The following FRMD4B variants were observed in gnomAD, a reference collection of about 807,000 sequenced individuals.
FRMD4B encodes FERM domain containing 4B, also known as FERM domain-containing protein 4B.
Under a neutral mutation model 141.5 loss-of-function variants are expected in FRMD4B, and 74 were observed. The observed-to-expected ratio is 0.52, with a 90% confidence interval of 0.43 to 0.63. The LOEUF is 0.63. FRMD4B is among the 30% of genes least tolerant of loss of function. The probability of loss-of-function intolerance (pLI) is 0.00; values close to 1 mark genes in which losing one functional copy is unlikely to be tolerated. For synonymous variants in FRMD4B, 506 were observed against 467.9 expected, an observed-to-expected ratio of 1.08 and a Z score of -1.05; for missense variants, 1,366 against 1,253.4, an observed-to-expected ratio of 1.09 and a Z score of -1.36.
rs1169193827 is a variant in FRMD4B, at chr3:69,240,746, CTG to C, written c.581+8478_581+8479del. 4.6e-5 allele frequency among the ~76,000 whole-genome samples: 7 copies of C among 152,232 alleles called. No individual in the cohort carries two copies. The South Asian group carries it at 1.5e-3, about 32-fold the overall frequency. Reference sequence around the variant, plus strand: ...AGCCATCTGAACACAGATAAGAAGACTGTATTGTTATGTGTTATGTTATCACT... The same window carrying C: ...AGCCATCTGAACACAGATAAGAAGACTATTGTTATGTGTTATGTTATCACT... On this transcript the variant is annotated intron_variant, in intron 7 of 22. Transcript: ENST00000398540.
At chr3:69,343,670 C>T (rs544885107) in intron 1 of FRMD4B, among the ~76,000 whole-genome samples, 4 of 151,042 alleles carry the variant, frequency 2.6e-5, no homozygotes, top group Non-Finnish European at 4.4e-5. Flanking sequence ...ACCTCCACCT[C>T]CCGGGTTCAA....
intron 5 of FRMD4B, among the ~76,000 whole-genome samples, chr3:69,278,148 C>A (rs779443226): frequency 5.3e-5 from 8 of 152,150 alleles, no homozygotes; most frequent in Non-Finnish European, 1.2e-4. Context: ...GCCACTGTGC[C>A]TGGCCTGAAC....
chr3:69,411,681 G>A (rs1296692497), intron 2 of FRMD4B, among the ~76,000 whole-genome samples: 7 of 152,156 alleles, frequency 4.6e-5, no homozygotes, highest in African/African-American at 7.2e-5. Flanking sequence ...GAAGTTCATC[G>A]AATAAAGTAG....
intron 1 of FRMD4B, among the ~76,000 whole-genome samples, chr3:69,453,850 T>C (rs1018446926): frequency 4.6e-5 from 7 of 152,078 alleles, no homozygotes; most frequent in East Asian, 1.9e-4. Context: ...ATTCAGATGA[T>C]GGATAAAGGA....
chr3:69,292,916 T>C (rs1700920202), intron 4 of FRMD4B: 3 of 344,806 alleles, frequency 8.7e-6, no homozygotes, highest in Non-Finnish European at 1.7e-5. Flanking sequence ...ATGGTTAATT[T>C]TTCAGCTTCG....
intron 1 of FRMD4B, among the ~76,000 whole-genome samples, chr3:69,519,430 G>C (rs1391976410): frequency 6.6e-6 from 1 of 152,122 alleles, no homozygotes; most frequent in Non-Finnish European, 1.5e-5. Flanking sequence ...GGTGGGTAGA[G>C]AGAGAACACT....
chr3:69,361,371 C>T (rs1703466104), intron 1 of FRMD4B, among the ~76,000 whole-genome samples: 1 of 152,140 alleles, frequency 6.6e-6, no homozygotes, highest in Admixed American at 6.6e-5. Context: ...GTGTCTGTTA[C>T]TGCTTTTTGT....
At chr3:69,252,800 C>A (rs2093471437) in intron 5 of FRMD4B, among the ~76,000 whole-genome samples, 1 of 152,106 alleles carries the variant, frequency 6.6e-6, no homozygotes, top group Admixed American at 6.6e-5. Flanking sequence ...AGGTACCGGG[C>A]AAGCCAACAC....
At chr3:69,265,268 AAATATATATATATAT>A (rs1165051647) in intron 5 of FRMD4B, among the ~76,000 whole-genome samples, 59 of 28,860 alleles carry the variant, frequency 2.0e-3, no homozygotes, top group East Asian at 2.9e-3. Flanking sequence ...AAAAAAAAAA[AAATATATATATATAT>A]ATATATATAT....
rs529354222 is a variant in FRMD4B at position 69,497,432 on chromosome 3, G to A, written c.-129+44774C>T. Among the ~76,000 whole-genome samples, 14 of 152,138 alleles carry A rather than the reference G, an allele frequency of 9.2e-5. 1 individual carries two copies. The highest frequency in any genetic ancestry group is 1.9e-4 in the African/African-American group (8 of 41,532). On this transcript the variant is annotated intron_variant, in intron 1 of 5. Coordinates refer to the FRMD4B transcript ENST00000459638. ...CTGAAAGTTACCACAAAAGAATTTC[G>A]GACGACTGATTGCTTCTCATTGTTT...
chr3:69,524,431 T>G (rs922830169), intron 1 of FRMD4B, among the ~76,000 whole-genome samples: 3 of 152,246 alleles, frequency 2.0e-5, no homozygotes, highest in Non-Finnish European at 4.4e-5. Flanking sequence ...AACTCCAAAT[T>G]AACTAAAGCT....
At chr3:69,364,887 A>G (rs1703593539) in intron 1 of FRMD4B, among the ~76,000 whole-genome samples, 1 of 152,146 alleles carries the variant, frequency 6.6e-6, no homozygotes, top group Non-Finnish European at 1.5e-5. Context: ...AAAATAAATA[A>G]AGGCCTTGGT....
In FRMD4B at chr3:69,492,582, A is replaced by G. The variant is rs74992154; in HGVS notation, c.-129+49624T>C. On this transcript the variant is annotated intron_variant, in intron 1 of 5. Transcript: ENST00000459638. Reference sequence around the variant, plus strand: ...CTTGGAGGAATTGAGGGACCTTGCTATGTGCATAAATTCATAGCCTGCCCT... The same window carrying G: ...CTTGGAGGAATTGAGGGACCTTGCTGTGTGCATAAATTCATAGCCTGCCCT... Among the ~76,000 whole-genome samples the G allele has an allele frequency of 5.0e-3, 768 of 152,300 alleles. 7 individuals carry two copies. The highest frequency in any genetic ancestry group is 0.018 in the African/African-American group (752 of 41,554).
At chr3:69,203,341 A>AAAAAAAAAAAAAAAAAAG (rs1553700373) in intron 11 of FRMD4B, among the ~76,000 whole-genome samples, 4 of 76,978 alleles carry the variant, frequency 5.2e-5, no homozygotes, top group Non-Finnish European at 1.0e-4. Flanking sequence ...AAAAAAAAAA[A>AAAAAAAAAAAAAAAAAAG]AAAGAAAGAA....
chr3:69,336,105 T>TGG (rs11437805), intron 1 of FRMD4B, among the ~76,000 whole-genome samples: 2 of 151,688 alleles, frequency 1.3e-5, no homozygotes, highest in Non-Finnish European at 2.9e-5. Context: ...TAACTTCCCT[T>TGG]GGGGGGTGAA....
rs534564849 is a variant in FRMD4B, at chr3:69,250,925, C to CAAA, written c.502-829_502-827dup. Among the ~76,000 whole-genome samples, 895 of 150,534 alleles carry CAAA rather than the reference C, an allele frequency of 5.9e-3. 10 individuals are homozygous for CAAA. The highest frequency in any genetic ancestry group is 0.021 in the African/African-American group (855 of 40,812). The stretch of plus-strand genomic sequence containing the variant: ...CAACATAGAGAGACCTCATCTCTAC[C>CAAA]AAAAAAGAAAAAAGCTTTTTCAGTA... On this transcript the variant is annotated intron_variant, in intron 5 of 22. Transcript: ENST00000398540.
chr3:69,464,117 C>T (rs1705746676), intron 1 of FRMD4B, among the ~76,000 whole-genome samples: 1 of 152,198 alleles, frequency 6.6e-6, no homozygotes, highest in Non-Finnish European at 1.5e-5. Context: ...CTCTGCTGCT[C>T]TCAATTCTGA....
At chr3:69,350,738 A>G (rs1011140707) in intron 1 of FRMD4B, among the ~76,000 whole-genome samples, 1 of 148,444 alleles carries the variant, frequency 6.7e-6, no homozygotes, top group Non-Finnish European at 1.5e-5. Context: ...ATAACCAAAC[A>G]CTGCATGTTC....
chr3:69,256,590 G>A (rs1255982770), intron 5 of FRMD4B, among the ~76,000 whole-genome samples: 1 of 152,212 alleles, frequency 6.6e-6, no homozygotes, highest in East Asian at 1.9e-4. Flanking sequence ...AAAGTGCTGG[G>A]ATTACAGGTG....
Sources: allele counts gnomAD v4.1 joint callset (sites outside exome capture counted in the v4.1 genomes callset), GRCh38; gene constraint gnomAD v4.1.1; transcripts MANE v1.5; gene names NCBI Gene and HGNC (gene_info 2026-07-23, HGNC 2026-07-21).